ADGRB3: variants seen among roughly 807,000 people sequenced by gnomAD.
The protein encoded by ADGRB3 is adhesion G protein-coupled receptor B3.
A neutral mutation model predicts 193.4 loss-of-function variants in ADGRB3; 37 were observed. The observed-to-expected ratio is 0.19, with a 90% CI of 0.15 to 0.25. ADGRB3 has a LOEUF of 0.25. Ranked by LOEUF, ADGRB3 falls within the 10% of genes least tolerant of loss-of-function variation. The pLI is 1.00. For missense variants in ADGRB3, 1,637 were observed against 1,852.9 expected, an observed-to-expected ratio of 0.88 and a Z score of 2.14; for synonymous variants, 690 against 644.2, an observed-to-expected ratio of 1.07 and a Z score of -1.08.
At chr6:69,009,402 A>G (rs1562120258) in intron 11 of ADGRB3, among the ~76,000 whole-genome samples, 1 of 152,140 alleles carries the variant, frequency 6.6e-6, no homozygotes, top group Non-Finnish European at 1.5e-5. Flanking sequence ...TATAGAACAG[A>G]AAGAATAGCA....
intron 3 of ADGRB3, among the ~76,000 whole-genome samples, chr6:68,719,577 T>C (rs1765540888): frequency 6.6e-6 from 1 of 151,780 alleles, no homozygotes; most frequent in Admixed American, 6.6e-5. Flanking sequence ...GGAAAGATAC[T>C]CTTTGTGATC....
intron 3 of ADGRB3, among the ~76,000 whole-genome samples, chr6:68,851,464 G>T (rs1379338018): frequency 1.3e-5 from 2 of 151,736 alleles, no homozygotes; most frequent in Non-Finnish European, 2.9e-5. Flanking sequence ...AATCTTTAAA[G>T]TTCTGCATAT....
At chr6:69,143,193 A>G (rs577385638) in intron 17 of ADGRB3, among the ~76,000 whole-genome samples, 1 of 152,188 alleles carries the variant, frequency 6.6e-6, no homozygotes, top group Admixed American at 6.5e-5. Flanking sequence ...TTTGAGAAAT[A>G]TCTATTTAGG....
chr6:69,310,676 A>T (rs896628962), intron 20 of ADGRB3, among the ~76,000 whole-genome samples: 2 of 151,654 alleles, frequency 1.3e-5, no homozygotes, highest in Admixed American at 1.3e-4. Context: ...ATGTTTTTAT[A>T]CTTACATAAC....
chr6:68,663,663 G>T (rs1768727035), intron 3 of ADGRB3, among the ~76,000 whole-genome samples: 1 of 151,752 alleles, frequency 6.6e-6, no homozygotes, highest in Non-Finnish European at 1.5e-5. Flanking sequence ...GCCATGAATA[G>T]AAACTTTTGA....
chr6:69,320,817 A>G (rs374341629), intron 20 of ADGRB3, among the ~76,000 whole-genome samples: 2,776 of 104,938 alleles, frequency 0.026, 86 homozygotes, highest in African/African-American at 0.11. Context: ...GTGCTTGTGC[A>G]TGTGTGTATG....
intron 3 of ADGRB3, among the ~76,000 whole-genome samples, chr6:68,701,265 G>C (rs990157105): frequency 6.6e-6 from 1 of 152,132 alleles, no homozygotes; most frequent in Non-Finnish European, 1.5e-5. Context: ...CAATTCCATT[G>C]CCTCGATATT....
chr6:69,137,827 A>C (rs1774199658), intron 17 of ADGRB3, among the ~76,000 whole-genome samples: 1 of 152,110 alleles, frequency 6.6e-6, no homozygotes. Flanking sequence ...TAGCCCCTTA[A>C]AGGTGTACGA....
chr6:68,643,887 G>A (rs1303201963), intron 3 of ADGRB3, among the ~76,000 whole-genome samples: 2 of 149,212 alleles, frequency 1.3e-5, no homozygotes, highest in Admixed American at 6.7e-5. Context: ...AGCCGAGATC[G>A]CACCACTGCA....
intron 10 of ADGRB3, among the ~76,000 whole-genome samples, chr6:68,986,479 T>C (rs146259417): frequency 1.1e-3 from 170 of 152,306 alleles, no homozygotes; most frequent in African/African-American, 3.9e-3. Flanking sequence ...CACAAACTCT[T>C]CGTATCAAAC....
intron 3 of ADGRB3, among the ~76,000 whole-genome samples, chr6:68,902,796 T>C (rs183736940): frequency 7.8e-4 from 119 of 152,268 alleles, no homozygotes; most frequent in African/African-American, 2.4e-3. Flanking sequence ...ACTTAAACTC[T>C]GCATGACTGA....
At chr6:68,831,606 A>C (rs1767958533) in intron 3 of ADGRB3, among the ~76,000 whole-genome samples, 1 of 152,122 alleles carries the variant, frequency 6.6e-6, no homozygotes, top group Admixed American at 6.6e-5. Flanking sequence ...AAACAAGATG[A>C]TCGAGTGTGG....
At chr6:68,989,988 G>A (rs561515862) in intron 10 of ADGRB3, among the ~76,000 whole-genome samples, 1 of 152,142 alleles carries the variant, frequency 6.6e-6, no homozygotes, top group South Asian at 2.1e-4. Flanking sequence ...GATTGGATGG[G>A]ATTCAAAACC....
intron 31 of ADGRB3, 123 bp downstream of exon 31, chr6:69,383,058 G>A (rs1769986113): frequency 1.9e-6 from 1 of 526,760 alleles, no homozygotes; most frequent in Non-Finnish European, 3.1e-6. Flanking sequence ...AAAAGTATAA[G>A]CCCCCAAAAC....
chr6:68,827,324 G>A (rs1027810181), intron 3 of ADGRB3, among the ~76,000 whole-genome samples: 2 of 152,102 alleles, frequency 1.3e-5, no homozygotes, highest in Non-Finnish European at 2.9e-5. Context: ...GGGCAGGAAA[G>A]GCTCAATGGA....
intron 17 of ADGRB3, among the ~76,000 whole-genome samples, chr6:69,218,206 A>G (rs1448403523): frequency 6.6e-6 from 1 of 152,168 alleles, no homozygotes; most frequent in Non-Finnish European, 1.5e-5. Context: ...ACAATTGAAT[A>G]TGTTGAACCC....
intron 20 of ADGRB3, among the ~76,000 whole-genome samples, chr6:69,269,651 T>G: frequency 6.6e-6 from 1 of 152,162 alleles, no homozygotes; most frequent in East Asian, 1.9e-4. Flanking sequence ...TCGTGACTGA[T>G]GTGCCCACAG....
At chr6:69,297,797 A>G (rs912240606) in intron 20 of ADGRB3, among the ~76,000 whole-genome samples, 1 of 152,092 alleles carries the variant, frequency 6.6e-6, no homozygotes, top group South Asian at 2.1e-4. Context: ...CATGTTTTAT[A>G]TAAGAAAAAT....
chr6:68,889,525 C>T (rs1487849908), intron 3 of ADGRB3, among the ~76,000 whole-genome samples: 20 of 144,646 alleles, frequency 1.4e-4, no homozygotes, highest in African/African-American at 3.4e-4. Flanking sequence ...TTTTTTGAGA[C>T]GGCTTCTCGC....
Sources: gnomAD v4.1 joint callset for allele counts (sites outside exome capture counted in the v4.1 genomes callset) on GRCh38, gnomAD v4.1.1 for gene constraint, MANE v1.5 for transcripts, NCBI Gene and HGNC (gene_info 2026-07-23, HGNC 2026-07-21) for gene names.